The following UTRN variants were observed in gnomAD, a reference collection of about 807,000 sequenced individuals.
UTRN encodes utrophin, also known as dystrophin-related protein 1.
Under a neutral mutation model 463.9 loss-of-function variants are expected in UTRN, and 283 were observed. That is an observed-to-expected ratio of 0.61 (90% CI 0.55 to 0.67). The LOEUF is 0.67. Among genes scored for constraint, UTRN ranks in the 30% least tolerant of loss-of-function variants. The probability of loss-of-function intolerance (pLI) is 0.00; values close to 1 mark genes in which losing one functional copy is unlikely to be tolerated. For missense variants in UTRN, 3,922 were observed against 4,084.3 expected, an observed-to-expected ratio of 0.96 and a Z score of 1.08; for synonymous variants, 1,442 against 1,431.5, an observed-to-expected ratio of 1.01 and a Z score of -0.17.
chr6:144,583,633 T>C (rs769412417), intron 51 of UTRN: 304 of 610,696 alleles, frequency 5.0e-4, no homozygotes, highest in Non-Finnish European at 7.6e-4. Context: ...GGATCTCGGG[T>C]GTCTGACAGT....
intron 1 of UTRN, among the ~76,000 whole-genome samples, chr6:144,289,413 A>G (rs1425783370): frequency 1.3e-5 from 2 of 152,180 alleles, no homozygotes; most frequent in African/African-American, 4.8e-5. Flanking sequence ...CCTGCATATA[A>G]TATTACAATA....
intron 54 of UTRN, among the ~76,000 whole-genome samples, chr6:144,747,769 T>G (rs569934267): frequency 1.3e-5 from 2 of 152,312 alleles, no homozygotes; most frequent in East Asian, 3.9e-4. Flanking sequence ...TTATTTGTCT[T>G]CAGTATTTAT....
chr6:144,684,583 CCAGAGTACACATTTTATTTT>C (rs1428830155), intron 52 of UTRN, among the ~76,000 whole-genome samples: 2 of 152,148 alleles, frequency 1.3e-5, no homozygotes, highest in Non-Finnish European at 2.9e-5. Flanking sequence ...AGACTGTTTT[CCAGAGTACACATTTTATTTT>C]ATTACATTCG....
chr6:144,440,549 T>C, intron 13 of UTRN, 78 bp downstream of exon 13: 1 of 1,579,536 alleles, frequency 6.3e-7, no homozygotes, highest in Non-Finnish European at 8.7e-7. Flanking sequence ...TTGTTCTTCA[T>C]GTCCTTTCTC....
intron 64 of UTRN, among the ~76,000 whole-genome samples, chr6:144,798,682 A>G (rs1777444540): frequency 6.6e-6 from 1 of 152,060 alleles, no homozygotes; most frequent in East Asian, 1.9e-4. Context: ...TTAATTTGGA[A>G]ATCTATTATG....
intron 13 of UTRN, among the ~76,000 whole-genome samples, chr6:144,440,830 G>T (rs1181243771): frequency 6.6e-6 from 1 of 152,200 alleles, no homozygotes; most frequent in East Asian, 1.9e-4. Flanking sequence ...GTTCCATGTG[G>T]CTGGGGAGAC....
At position 144,373,476 on chromosome 6, in the gene UTRN, A is replaced by G. The variant is rs148661997; in HGVS notation, c.80-29647A>G. Among the ~76,000 whole-genome samples the G allele has an allele frequency of 8.5e-4, 129 of 152,338 alleles. 3 individuals are homozygous for G. The East Asian group carries it at 0.013, about 15-fold the overall frequency. On this transcript the variant is annotated intron_variant, in intron 2 of 74. Coordinates refer to ENST00000367545, the MANE Select transcript of UTRN (RefSeq NM_007124.3). ...AAATGTCTGCCACTGGAAAATCCAT[A>G]AAGAGAGAAAGTAGGCTAGTGGTTT...
At chr6:144,828,046 G>A (rs1295406819) in intron 68 of UTRN, among the ~76,000 whole-genome samples, 2 of 152,110 alleles carry the variant, frequency 1.3e-5, no homozygotes, top group Admixed American at 1.3e-4. Flanking sequence ...TTATGCTAAT[G>A]CTTTAGGATA....
At chr6:144,478,301 G>A (rs1791464090) in intron 25 of UTRN, among the ~76,000 whole-genome samples, 1 of 152,090 alleles carries the variant, frequency 6.6e-6, no homozygotes, top group Non-Finnish European at 1.5e-5. Flanking sequence ...TTAAGCTTAT[G>A]GTAGTGTCTT....
At chr6:144,840,117 G>A (rs898189163) in intron 72 of UTRN, among the ~76,000 whole-genome samples, 18 of 152,000 alleles carry the variant, frequency 1.2e-4, no homozygotes, top group Non-Finnish European at 2.4e-4. Context: ...GAACCTGGGA[G>A]GCGGAGGTTG....
intron 42 of UTRN, among the ~76,000 whole-genome samples, chr6:144,531,601 A>T (rs946652530): frequency 6.6e-6 from 1 of 152,182 alleles, no homozygotes; most frequent in East Asian, 1.9e-4. Flanking sequence ...GATAATTATC[A>T]TAAAGTAAAT....
At position 144,728,737 on chromosome 6, in the gene UTRN, T is replaced by C. The variant is rs985205734; in HGVS notation, c.7810-1620T>C. On this transcript the variant is annotated intron_variant, in intron 53 of 74. Transcript: ENST00000367545. ...GAAAGTTTTATTTTATCCTATATCC[T>C]GTGTTACATCACTATATCTTAATTG... Among the ~76,000 whole-genome samples the C allele has an allele frequency of 5.3e-5, 8 of 152,360 alleles. No homozygotes were observed. In the South Asian group the frequency reaches 1.4e-3, roughly 28 times the overall value.
At chr6:144,531,565 G>A (rs913724475) in intron 42 of UTRN, among the ~76,000 whole-genome samples, 1 of 151,958 alleles carries the variant, frequency 6.6e-6, no homozygotes, top group South Asian at 2.1e-4. Flanking sequence ...TAAACACTTA[G>A]GCATCTCATT....
intron 50 of UTRN, among the ~76,000 whole-genome samples, chr6:144,562,178 GAC>G (rs1195583221): frequency 1.3e-5 from 2 of 152,002 alleles, no homozygotes; most frequent in Non-Finnish European, 2.9e-5. Flanking sequence ...AATTTAAAAA[GAC>G]ACAATTATTT....
At chr6:144,701,474 A>G (rs1329518889) in intron 53 of UTRN, among the ~76,000 whole-genome samples, 2 of 152,216 alleles carry the variant, frequency 1.3e-5, no homozygotes, top group African/African-American at 4.8e-5. Context: ...TGATCAGCCA[A>G]AAGATATGCT....
intron 51 of UTRN, among the ~76,000 whole-genome samples, chr6:144,632,780 G>A (rs541557302): frequency 6.7e-6 from 1 of 150,320 alleles, no homozygotes; most frequent in South Asian, 2.1e-4. Context: ...GGAGTGCAAT[G>A]GCAAGATCTT....
intron 35 of UTRN, 61 bp downstream of exon 35, chr6:144,511,184 T>G: frequency 7.3e-7 from 1 of 1,367,566 alleles, no homozygotes; most frequent in Middle Eastern, 2.2e-4. Flanking sequence ...ATTTTTTAAA[T>G]GAATACAACT....
At chr6:144,598,964 G>A (rs1259350523) in intron 51 of UTRN, among the ~76,000 whole-genome samples, 2 of 152,082 alleles carry the variant, frequency 1.3e-5, no homozygotes, top group Non-Finnish European at 2.9e-5. Flanking sequence ...TAACTCAAAG[G>A]TTGTTGGAGA....
At chr6:144,813,649 G>T (rs568675555) in intron 65 of UTRN, among the ~76,000 whole-genome samples, 11 of 152,312 alleles carry the variant, frequency 7.2e-5, no homozygotes, top group African/African-American at 2.6e-4. Context: ...AATAAATCCA[G>T]GTGGCGATAA....
Sources: allele counts gnomAD v4.1 joint callset (sites outside exome capture counted in the v4.1 genomes callset), GRCh38; gene constraint gnomAD v4.1.1; transcripts MANE v1.5; gene names NCBI Gene and HGNC (gene_info 2026-07-23, HGNC 2026-07-21).